GLIS1: variants seen among roughly 807,000 people sequenced by gnomAD.
GLIS1 encodes the protein zinc finger protein GLIS1.
Under a neutral mutation model 63.8 loss-of-function variants are expected in GLIS1, and 24 were observed. The observed-to-expected ratio is 0.38, with a 90% CI of 0.27 to 0.53. The LOEUF (loss-of-function observed/expected upper bound fraction) is 0.53. GLIS1 is among the 20% of genes least tolerant of loss of function. GLIS1 has a pLI of 0.85. For missense variants in GLIS1, 1,036 were observed against 1,074.1 expected, an observed-to-expected ratio of 0.96 and a Z score of 0.50; for synonymous variants, 450 against 482.5, an observed-to-expected ratio of 0.93 and a Z score of 0.88.
chr1:53,520,519 C>A, intron 7 of GLIS1, 115 bp downstream of exon 7: 1 of 1,235,566 alleles, frequency 8.1e-7, no homozygotes, highest in Non-Finnish European at 1.1e-6. Context: ...GAGTGAGTGC[C>A]TGCAACATGT....
chr1:53,593,049 C>T (rs966085669), intron 4 of GLIS1, among the ~76,000 whole-genome samples: 6 of 152,266 alleles, frequency 3.9e-5, no homozygotes, highest in Admixed American at 2.0e-4. Flanking sequence ...AGACCAAGTG[C>T]TCCATGAGTG....
At chr1:53,647,953 C>T (rs979456984) in intron 2 of GLIS1, among the ~76,000 whole-genome samples, 3 of 152,298 alleles carry the variant, frequency 2.0e-5, no homozygotes, top group Non-Finnish European at 2.9e-5. Flanking sequence ...AGGAGGATCA[C>T]TTGAGCCCAG....
chr1:53,684,715 A>C (rs1411867944), intron 2 of GLIS1, among the ~76,000 whole-genome samples: 1 of 152,138 alleles, frequency 6.6e-6, no homozygotes, highest in Non-Finnish European at 1.5e-5. Context: ...TCCTTCATAC[A>C]GCTCCCACAC....
chr1:53,628,497 G>C (rs140358430), intron 2 of GLIS1, among the ~76,000 whole-genome samples: 1 of 152,242 alleles, frequency 6.6e-6, no homozygotes, highest in Non-Finnish European at 1.5e-5. Flanking sequence ...GCACCAGAGT[G>C]CGTTCGCCAG....
chr1:53,655,429 C>G (rs1409229174), intron 2 of GLIS1, among the ~76,000 whole-genome samples: 2 of 152,106 alleles, frequency 1.3e-5, no homozygotes, highest in Non-Finnish European at 2.9e-5. Flanking sequence ...AGTTATATGG[C>G]CTTGGGGTGC....
intron 2 of GLIS1, among the ~76,000 whole-genome samples, chr1:53,731,563 G>C (rs1035142717): frequency 3.9e-5 from 6 of 152,138 alleles, no homozygotes; most frequent in South Asian, 2.1e-4. Flanking sequence ...GACAGACCTG[G>C]GTTCAAATTC....
At chr1:53,710,229 G>A (rs943912406) in intron 2 of GLIS1, among the ~76,000 whole-genome samples, 2 of 152,222 alleles carry the variant, frequency 1.3e-5, no homozygotes, top group African/African-American at 4.8e-5. Context: ...TCCCCACCTG[G>A]AGGCATCCCC....
chr1:53,621,836 C>T (rs972131025), intron 2 of GLIS1, among the ~76,000 whole-genome samples: 8 of 151,582 alleles, frequency 5.3e-5, no homozygotes, highest in African/African-American at 1.2e-4. Context: ...TTTTTTGAGA[C>T]GGAGTCTCAC....
At chr1:53,669,586 G>A (rs1057445195) in intron 2 of GLIS1, among the ~76,000 whole-genome samples, 1 of 152,208 alleles carries the variant, frequency 6.6e-6, no homozygotes, top group Admixed American at 6.5e-5. Context: ...TCTATGCCAG[G>A]CTAGGGACTG....
chr1:53,728,599 T>C (rs1471865569), intron 2 of GLIS1, among the ~76,000 whole-genome samples: 4 of 152,184 alleles, frequency 2.6e-5, no homozygotes, highest in Non-Finnish European at 1.5e-5. Context: ...ATTTCTTATA[T>C]ACAAACTTCA....
chr1:53,573,048 A>G (rs1440852990), intron 4 of GLIS1, among the ~76,000 whole-genome samples: 2 of 152,218 alleles, frequency 1.3e-5, no homozygotes, highest in Non-Finnish European at 2.9e-5. Flanking sequence ...CCAGTCTTAC[A>G]GGTTACCACC....
chr1:53,706,632 G>A (rs962232028), intron 2 of GLIS1, among the ~76,000 whole-genome samples: 13 of 152,126 alleles, frequency 8.5e-5, no homozygotes, highest in African/African-American at 2.4e-4. Flanking sequence ...TTCATTTATC[G>A]GCCTTTAATG....
chr1:53,675,567 T>C (rs1446016276), intron 2 of GLIS1, among the ~76,000 whole-genome samples: 5 of 152,196 alleles, frequency 3.3e-5, no homozygotes, highest in African/African-American at 1.2e-4. Flanking sequence ...TCTGGGGAAA[T>C]GTAAGAAAAT....
chr1:53,605,215 G>T (rs1278495237), intron 2 of GLIS1, among the ~76,000 whole-genome samples: 1 of 152,096 alleles, frequency 6.6e-6, no homozygotes, highest in African/African-American at 2.4e-5. Flanking sequence ...TTCAATGAAT[G>T]GAAGTGCCTT....
intron 2 of GLIS1, among the ~76,000 whole-genome samples, chr1:53,612,692 A>G (rs563368880): frequency 5.3e-5 from 8 of 152,108 alleles, no homozygotes; most frequent in Non-Finnish European, 1.0e-4. Flanking sequence ...TTGGCCCCAC[A>G]TTACCTACAG....
chr1:53,690,161 CA>C (rs529087549), intron 2 of GLIS1, among the ~76,000 whole-genome samples: 109 of 152,344 alleles, frequency 7.2e-4, no homozygotes, highest in Admixed American at 3.2e-3. Context: ...GGGTAAAGAA[CA>C]GGAATCAAAC....
At chr1:53,622,282 G>C (rs1236157115) in intron 2 of GLIS1, among the ~76,000 whole-genome samples, 1 of 151,786 alleles carries the variant, frequency 6.6e-6, no homozygotes, top group African/African-American at 2.4e-5. Context: ...ACAAATACTA[G>C]CTGGGTGTGG....
intron 2 of GLIS1, among the ~76,000 whole-genome samples, chr1:53,674,395 A>C (rs1038308679): frequency 2.6e-5 from 4 of 152,176 alleles, no homozygotes; most frequent in South Asian, 2.1e-4. Flanking sequence ...GATATTAACA[A>C]GCCTGTCAGG....
At chr1:53,636,041 T>A (rs1569961436) in intron 2 of GLIS1, among the ~76,000 whole-genome samples, 1 of 152,328 alleles carries the variant, frequency 6.6e-6, no homozygotes, top group East Asian at 1.9e-4. Context: ...TCTATTCTTA[T>A]ACTCATTCTT....
Sources: allele counts gnomAD v4.1 joint callset (sites outside exome capture counted in the v4.1 genomes callset), GRCh38; gene constraint gnomAD v4.1.1; transcripts MANE v1.5; gene names NCBI Gene and HGNC (gene_info 2026-07-23, HGNC 2026-07-21).